Variants in DOCK7 observed in about 807,000 individuals in gnomAD.
DOCK7 encodes dedicator of cytokinesis protein 7.
Under a neutral mutation model 271.0 loss-of-function variants are expected in DOCK7, and 138 were observed. The ratio of observed to expected loss-of-function variants is 0.51; its 90% CI spans 0.44 to 0.59. The LOEUF (loss-of-function observed/expected upper bound fraction) is 0.59. DOCK7 is among the 20% of genes least tolerant of loss of function. The probability of loss-of-function intolerance (pLI) is 0.00; values close to 1 mark genes in which losing one functional copy is unlikely to be tolerated. For missense variants in DOCK7, 2,066 were observed against 2,592.4 expected (o/e 0.80, Z 4.41); for synonymous variants, 823 against 876.1 (o/e 0.94, Z 1.07).
chr1:62,526,912 T>C (rs1200382663), intron 31 of DOCK7, among the ~76,000 whole-genome samples: 1 of 152,174 alleles, frequency 6.6e-6, no homozygotes, highest in Non-Finnish European at 1.5e-5. Flanking sequence ...TCTCTAGTGC[T>C]GGGGTAGGAA....
In DOCK7 at chr1:62,488,586, A is replaced by G. The variant is rs111410140; in HGVS notation, c.5493+348T>C. The G allele has an allele frequency of 1.5e-5, 3 of 195,326 alleles. 1 individual carries two copies. The highest frequency in any genetic ancestry group is 7.1e-5 in the African/African-American group (3 of 42,282). 12.1% of individuals were successfully genotyped at this position (195,326 alleles called of 1,614,324 possible). A position where few individuals can be genotyped will look rare whatever the true frequency, so the allele number is the denominator to read the frequency against. ...TAAAAAACTGAAATATAAAAACTTC[A>G]TTTTCACAGCAAAGGAATAGGTATC... On this transcript the variant is annotated intron_variant, in intron 42 of 49. Transcript: ENST00000635253.
intron 18 of DOCK7, among the ~76,000 whole-genome samples, chr1:62,576,522 A>C (rs1276136457): frequency 6.6e-6 from 1 of 152,252 alleles, no homozygotes; most frequent in Non-Finnish European, 1.5e-5. Context: ...TGTTTTTTAA[A>C]AATAAAAATA....
chr1:62,510,880 C>G, intron 33 of DOCK7: 1 of 428,164 alleles, frequency 2.3e-6, no homozygotes. Flanking sequence ...TATGCAGTAT[C>G]TTTTCTTTAA....
At chr1:62,534,528 T>C (rs1241545068) in intron 29 of DOCK7, among the ~76,000 whole-genome samples, 1 of 152,028 alleles carries the variant, frequency 6.6e-6, no homozygotes, top group Non-Finnish European at 1.5e-5. Context: ...GGCAGAAGAA[T>C]TGCTTGAGCC....
At chr1:62,609,236 T>C (rs1195578899) in intron 14 of DOCK7, 4 of 152,080 alleles carry the variant, frequency 2.6e-5, no homozygotes, top group Non-Finnish European at 5.9e-5. Flanking sequence ...TAAAATGAGG[T>C]TTTAATGACA....
Position 62,564,629 on chromosome 1 carries a change from A to T in DOCK7, c.2113-2926T>A, listed in dbSNP as rs376767820. ...GATCTAAAATTGACACCCTAACATC[A>T]CAATTAAAAGAACTAGAGAAGCAAG... On this transcript the variant is annotated intron_variant, in intron 18 of 49. Transcript: ENST00000635253. Among the ~76,000 whole-genome samples the T allele has an allele frequency of 1.5e-4, 23 of 152,316 alleles. No homozygotes were observed. In the South Asian group the frequency reaches 1.7e-3, roughly 11 times the overall value.
intron 14 of DOCK7, among the ~76,000 whole-genome samples, chr1:62,587,170 A>C (rs1647658831): frequency 6.6e-6 from 1 of 151,998 alleles, no homozygotes; most frequent in Non-Finnish European, 1.5e-5. Flanking sequence ...TTACTACAAA[A>C]CAATAACATC....
intron 14 of DOCK7, chr1:62,597,475 G>A (rs1649423717): frequency 7.1e-7 from 1 of 1,407,244 alleles, no homozygotes. Flanking sequence ...CCTTTTCTGG[G>A]CAAATATTGG....
intron 7 of DOCK7, chr1:62,641,793 T>A: frequency 7.6e-6 from 2 of 264,386 alleles, no homozygotes; most frequent in Non-Finnish European, 1.5e-5. Flanking sequence ...TATAGTACAG[T>A]TTTTAACATT....
At chr1:62,473,262 A>AT (rs1645880552) in intron 48 of DOCK7, among the ~76,000 whole-genome samples, 2 of 152,220 alleles carry the variant, frequency 1.3e-5, no homozygotes, top group African/African-American at 2.4e-5. Flanking sequence ...CTGGAAAAGC[A>AT]CAATTAATGA....
At chr1:62,559,584 G>A (rs1246432329) in intron 19 of DOCK7, among the ~76,000 whole-genome samples, 5 of 151,864 alleles carry the variant, frequency 3.3e-5, no homozygotes, top group African/African-American at 9.7e-5. Context: ...CAAACTCATC[G>A]CCATACCTTA....
chr1:62,464,978 T>C (rs374382888), intron 48 of DOCK7, among the ~76,000 whole-genome samples: 140 of 152,358 alleles, frequency 9.2e-4, no homozygotes, highest in African/African-American at 3.2e-3. Flanking sequence ...TTTTATTATT[T>C]ACTATCATAA....
chr1:62,587,622 G>A (rs1402245915), intron 14 of DOCK7, among the ~76,000 whole-genome samples: 1 of 152,130 alleles, frequency 6.6e-6, no homozygotes, highest in Non-Finnish European at 1.5e-5. Context: ...ACGTTTATCA[G>A]TACTGAGTTG....
intron 14 of DOCK7, among the ~76,000 whole-genome samples, chr1:62,615,335 T>C (rs1652308902): frequency 6.6e-6 from 1 of 151,818 alleles, no homozygotes; most frequent in Non-Finnish European, 1.5e-5. Flanking sequence ...TATTAATCGC[T>C]TTCTTAAAAT....
chr1:62,559,860 A>G lies in DOCK7; in HGVS notation c.2200-640T>C, dbSNP rs150218046. Among the ~76,000 whole-genome samples, 278 of 152,264 alleles carry G rather than the reference A, an allele frequency of 1.8e-3. 1 individual carries two copies. Among genetic ancestry groups the G allele is most frequent in the African/African-American group, 6.5e-3 (270 of 41,572 alleles). The stretch of plus-strand genomic sequence containing the variant: ...GACAGAGATGGCTCACTGTGCCTCA[A>G]ACGTTTGTGCAAAACAATATGGTAT... On this transcript the variant is annotated intron_variant, in intron 19 of 49. Transcript: ENST00000635253.
intron 48 of DOCK7, among the ~76,000 whole-genome samples, chr1:62,472,425 T>C (rs1483245825): frequency 6.6e-6 from 1 of 152,080 alleles, no homozygotes; most frequent in Non-Finnish European, 1.5e-5. Flanking sequence ...TTTTGCAATA[T>C]AAAAGGAGAA....
At chr1:62,568,973 C>T (rs75874220) in intron 18 of DOCK7, among the ~76,000 whole-genome samples, 5 of 152,044 alleles carry the variant, frequency 3.3e-5, no homozygotes, top group Non-Finnish European at 5.9e-5. Flanking sequence ...CACCTCTCTG[C>T]AAGTAAGTTA....
rs78926965 is a variant in DOCK7, at chr1:62,525,574, C to T, written c.3936+2577G>A. ...ATAAAAAGGTTAATACAATTGAGAA[C>T]AATGGTCATTCCCAGGGGAGGGAGA... is the stretch of plus-strand genomic sequence containing the variant. On this transcript the variant is annotated intron_variant, in intron 31 of 49. Coordinates refer to ENST00000635253, the MANE Select transcript of DOCK7 (RefSeq NM_001367561.1). Among the ~76,000 whole-genome samples the T allele has an allele frequency of 5.2e-3, 785 of 152,242 alleles. 6 individuals are homozygous for T. Among genetic ancestry groups the T allele is most frequent in the South Asian group, 0.018 (88 of 4,822 alleles).
intron 10 of DOCK7, among the ~76,000 whole-genome samples, chr1:62,631,681 T>C (rs1654645217): frequency 6.6e-6 from 1 of 152,186 alleles, no homozygotes; most frequent in Non-Finnish European, 1.5e-5. Flanking sequence ...AAACATGTAT[T>C]ATGTATTCCA....
Sources: gnomAD v4.1 joint callset for allele counts (sites outside exome capture counted in the v4.1 genomes callset) on GRCh38, gnomAD v4.1.1 for gene constraint, MANE v1.5 for transcripts, NCBI Gene and HGNC (gene_info 2026-07-23, HGNC 2026-07-21) for gene names.